SUGCT: variants seen among roughly 807,000 people sequenced by gnomAD.
SUGCT encodes succinyl-CoA:glutarate-CoA transferase.
SUGCT carries 41 observed loss-of-function variants against 55.0 expected under a neutral mutation model. That is an observed-to-expected ratio of 0.74 (90% CI 0.58 to 0.97). The LOEUF is 0.97. SUGCT is among the 50% of genes least tolerant of loss of function. SUGCT has a pLI of 0.00. For synonymous variants in SUGCT, 187 were observed against 200.4 expected (o/e 0.93, Z 0.56); for missense variants, 568 against 547.8 (o/e 1.04, Z -0.37).
chr7:40,270,166 A>G (rs1791913687), intron 7 of SUGCT, among the ~76,000 whole-genome samples: 1 of 150,102 alleles, frequency 6.7e-6, no homozygotes, highest in South Asian at 2.1e-4. Flanking sequence ...GAAATTCTGT[A>G]CAAATTTCTT....
intron 1 of SUGCT, chr7:40,153,701 A>G: frequency 2.0e-6 from 1 of 500,426 alleles, no homozygotes; most frequent in Non-Finnish European, 4.0e-6. Flanking sequence ...TATTCTGGTG[A>G]TAATAATCCT....
chr7:41,022,686 T>C, the SUGCT span, among the ~76,000 whole-genome samples: 1 of 152,192 alleles, frequency 6.6e-6, no homozygotes, highest in South Asian at 2.1e-4. Context: ...TTTTGAATTC[T>C]TTAAAATGTT....
chr7:40,507,881 A>T (rs1792695818), intron 12 of SUGCT, among the ~76,000 whole-genome samples: 1 of 151,882 alleles, frequency 6.6e-6, no homozygotes, highest in Non-Finnish European at 1.5e-5. Context: ...GCTCATCTTG[A>T]TTGTCTCTTT....
intron 12 of SUGCT, among the ~76,000 whole-genome samples, chr7:40,539,944 G>A (rs1562847585): frequency 6.6e-6 from 1 of 152,096 alleles, no homozygotes; most frequent in Non-Finnish European, 1.5e-5. Context: ...AATTTTTATA[G>A]TATATCTGGG....
intron 1 of SUGCT, among the ~76,000 whole-genome samples, chr7:40,141,262 C>T (rs1010821782): frequency 6.6e-6 from 1 of 151,810 alleles, no homozygotes; most frequent in Non-Finnish European, 1.5e-5. Context: ...ACTGCAAAGG[C>T]CTCCCAAAGT....
chr7:40,941,313 T>C, the SUGCT span, among the ~76,000 whole-genome samples: 2 of 152,156 alleles, frequency 1.3e-5, no homozygotes, highest in East Asian at 1.9e-4. Context: ...TAAATTACCA[T>C]CTTGATTTCA....
At chr7:40,555,729 T>G (rs949083588) in intron 12 of SUGCT, among the ~76,000 whole-genome samples, 2 of 151,982 alleles carry the variant, frequency 1.3e-5, no homozygotes, top group African/African-American at 4.8e-5. Flanking sequence ...TCTAACAATA[T>G]TGTAAGGAAG....
chr7:40,997,687 C>G, the SUGCT span, among the ~76,000 whole-genome samples: 37 of 152,172 alleles, frequency 2.4e-4, no homozygotes, highest in Non-Finnish European at 4.7e-4. Flanking sequence ...CTCATAATTT[C>G]CCATGTAATT....
At chr7:40,338,258 G>T (rs1384180221) in intron 9 of SUGCT, among the ~76,000 whole-genome samples, 1 of 152,028 alleles carries the variant, frequency 6.6e-6, no homozygotes, top group South Asian at 2.1e-4. Context: ...GTATCTTTGT[G>T]GCATTCTCTG....
At chr7:40,179,714 A>G (rs1421755937) in intron 1 of SUGCT, among the ~76,000 whole-genome samples, 3 of 152,212 alleles carry the variant, frequency 2.0e-5, no homozygotes, top group Non-Finnish European at 2.9e-5. Context: ...GACTGCTGCA[A>G]TGATAGTCTC....
intron 1 of SUGCT, among the ~76,000 whole-genome samples, chr7:40,152,035 G>A (rs1788603321): frequency 6.6e-6 from 1 of 152,162 alleles, no homozygotes; most frequent in Admixed American, 6.5e-5. Context: ...ACCAGCTGGT[G>A]CATCAGAACG....
At chr7:40,272,816 C>A (rs1315283854) in intron 7 of SUGCT, among the ~76,000 whole-genome samples, 2 of 151,858 alleles carry the variant, frequency 1.3e-5, no homozygotes, top group East Asian at 3.9e-4. Context: ...TGTGCCACCA[C>A]ACCTGGCTAA....
chr7:40,459,047 G>GCTACAAGAACACTAGCACCCA, intron 10 of SUGCT, 54 bp from the exon 11 acceptor site: 3 of 1,133,704 alleles, frequency 2.6e-6, no homozygotes, highest in Non-Finnish European at 3.9e-6. Flanking sequence ...GCACCCACAG[G>GCTACAAGAACACTAGCACCCA]CAGGTACAAG....
chr7:40,335,133 C>T (rs1002526861), intron 9 of SUGCT, among the ~76,000 whole-genome samples: 1 of 152,174 alleles, frequency 6.6e-6, no homozygotes, highest in Non-Finnish European at 1.5e-5. Flanking sequence ...GGTACCAGTA[C>T]CATGCTGTTT....
At chr7:41,006,380 A>G in the SUGCT span, among the ~76,000 whole-genome samples, 1 of 152,360 alleles carries the variant, frequency 6.6e-6, no homozygotes, top group African/African-American at 2.4e-5. Context: ...CTCTCACCAG[A>G]GTAAAGAGGG....
intron 13 of SUGCT, among the ~76,000 whole-genome samples, chr7:40,770,089 A>C (rs77137181): frequency 0.013 from 2,050 of 152,042 alleles, 142 homozygotes; most frequent in East Asian, 0.092. Context: ...TTTTCCATCT[A>C]CTTCCTCCCT....
rs17171701 is a variant in SUGCT, at chr7:40,372,452, A to C, written c.816+55597A>C. 1.0e-2 allele frequency among the ~76,000 whole-genome samples: 1,521 copies of C among 152,168 alleles called. 23 individuals are homozygous for C. The highest frequency in any genetic ancestry group is 0.035 in the African/African-American group (1,451 of 41,550). On this transcript the variant is annotated intron_variant, in intron 9 of 13. Coordinates refer to ENST00000335693, the MANE Select transcript of SUGCT (RefSeq NM_001193313.2). ...AAATACCTTAATTTGATTTTTAAAA[A>C]TTGTGCTGTGGATACTCCTAAACAC...
intron 13 of SUGCT, among the ~76,000 whole-genome samples, chr7:40,805,911 C>T (rs1488209694): frequency 6.6e-6 from 1 of 152,150 alleles, no homozygotes; most frequent in Non-Finnish European, 1.5e-5. Flanking sequence ...CCATCTATGG[C>T]ACGTTAGAGA....
the SUGCT span, among the ~76,000 whole-genome samples, chr7:40,889,876 C>T: frequency 1.3e-5 from 2 of 152,170 alleles, no homozygotes; most frequent in African/African-American, 4.8e-5. Context: ...AATAGTCCCA[C>T]AACTCAGATT....
Sources: allele counts gnomAD v4.1 joint callset (sites outside exome capture counted in the v4.1 genomes callset), GRCh38; gene constraint gnomAD v4.1.1; transcripts MANE v1.5; gene names NCBI Gene and HGNC (gene_info 2026-07-23, HGNC 2026-07-21).